SPAG9: variants seen among roughly 807,000 people sequenced by gnomAD.
SPAG9 encodes C-Jun-amino-terminal kinase-interacting protein 4.
Under a neutral mutation model 166.5 loss-of-function variants are expected in SPAG9, and 35 were observed. The observed-to-expected ratio is 0.21, with a 90% CI of 0.16 to 0.28. SPAG9 has a LOEUF of 0.28. SPAG9 is among the 10% of genes least tolerant of loss of function. The pLI, the probability that SPAG9 is intolerant of heterozygous loss-of-function variation, is 1.00. For synonymous variants in SPAG9, 534 were observed against 565.5 expected (o/e 0.94, Z 0.79); for missense variants, 1,235 against 1,603.3 (o/e 0.77, Z 3.92).
intron 1 of SPAG9, among the ~76,000 whole-genome samples, chr17:51,085,016 A>G (rs562419103): frequency 4.0e-5 from 6 of 151,694 alleles, no homozygotes; most frequent in African/African-American, 1.5e-4. Context: ...ATGCCTGGCT[A>G]ATTTTGGTAT....
At chr17:50,975,939 G>C (rs1370026965) in intron 27 of SPAG9, 1 of 1,479,298 alleles carries the variant, frequency 6.8e-7, no homozygotes, top group Non-Finnish European at 9.1e-7. Context: ...ATGGAGAGGT[G>C]CATGACAGGG....
At chr17:51,048,940 C>G (rs2047106090) in intron 3 of SPAG9, among the ~76,000 whole-genome samples, 1 of 152,116 alleles carries the variant, frequency 6.6e-6, no homozygotes, top group Admixed American at 6.5e-5. Context: ...TGGAGAAATA[C>G]ACCTTTCATC....
chr17:51,074,983 G>A (rs60420545), intron 2 of SPAG9, among the ~76,000 whole-genome samples: 1 of 151,668 alleles, frequency 6.6e-6, no homozygotes, highest in Non-Finnish European at 1.5e-5. Context: ...GATCAACTGA[G>A]GTCAGGAGTT....
chr17:51,028,658 G>A (rs539425134), intron 6 of SPAG9, among the ~76,000 whole-genome samples: 2 of 152,260 alleles, frequency 1.3e-5, no homozygotes, highest in African/African-American at 4.8e-5. Context: ...AATCACCTAA[G>A]TACACATTTC....
chr17:51,091,381 T>A (rs2048460548), intron 1 of SPAG9, among the ~76,000 whole-genome samples: 1 of 152,034 alleles, frequency 6.6e-6, no homozygotes, highest in Non-Finnish European at 1.5e-5. Context: ...TATAAGTTGG[T>A]CACCCTCTAC....
chr17:51,060,088 C>T (rs1386316989), intron 2 of SPAG9, among the ~76,000 whole-genome samples: 1 of 152,102 alleles, frequency 6.6e-6, no homozygotes, highest in Admixed American at 6.5e-5. Flanking sequence ...TGCTTCCCAT[C>T]CCCACAGAGA....
At chr17:51,039,024 A>AT (rs2046728448) in intron 5 of SPAG9, among the ~76,000 whole-genome samples, 1 of 152,184 alleles carries the variant, frequency 6.6e-6, no homozygotes, top group Non-Finnish European at 1.5e-5. Flanking sequence ...AAGAAGGCCC[A>AT]TAACTTTACA....
chr17:51,093,014 G>A (rs1439522135), intron 1 of SPAG9, among the ~76,000 whole-genome samples: 2 of 149,682 alleles, frequency 1.3e-5, no homozygotes, highest in East Asian at 2.0e-4. Context: ...TGGGTATATG[G>A]GAGTTCAAAT....
At chr17:50,990,876 G>T in intron 19 of SPAG9, 1 of 497,770 alleles carries the variant, frequency 2.0e-6, no homozygotes, top group Non-Finnish European at 3.6e-6. Context: ...TAACACAAGT[G>T]CAAATAAACA....
chr17:51,066,567 G>GAAAAAAAAAAAAAA (rs71149340), intron 2 of SPAG9, among the ~76,000 whole-genome samples: 21 of 110,834 alleles, frequency 1.9e-4, no homozygotes, highest in African/African-American at 2.8e-4. Context: ...AAAAAAAAAA[G>GAAAAAAAAAAAAAA]AAAAAAAAAA....
chr17:51,081,757 TA>T (rs1269072109), intron 1 of SPAG9, among the ~76,000 whole-genome samples: 6 of 151,260 alleles, frequency 4.0e-5, no homozygotes, highest in Non-Finnish European at 7.4e-5. Flanking sequence ...AAAAAAAAAG[TA>T]AAAACAATTT....
chr17:51,097,186 G>A (rs2048671105), intron 1 of SPAG9, among the ~76,000 whole-genome samples: 1 of 152,230 alleles, frequency 6.6e-6, no homozygotes, highest in Non-Finnish European at 1.5e-5. Context: ...CATGTACAGG[G>A]AGGGCATGGA....
Position 50,985,042 on chromosome 17 carries a change from G to GA in SPAG9, c.3021-53dup, listed in dbSNP as rs749198837. ...ACTCTCCATTCAGGAATACAGAAGG[G>GA]ACCACATGCTACTGAACTAGTTCAA... On this transcript the variant is annotated intron_variant, in intron 23 of 29. Transcript: ENST00000262013. 3.3e-6 allele frequency: 5 copies of GA among 1,520,564 alleles called. No individual in the cohort carries two copies. The East Asian group carries it at 1.1e-4, about 34-fold the overall frequency. 94.2% of individuals were successfully genotyped at this position (1,520,564 alleles called of 1,614,324 possible).
chr17:51,049,296 GT>G (rs2047115389), intron 3 of SPAG9, among the ~76,000 whole-genome samples: 1 of 151,216 alleles, frequency 6.6e-6, no homozygotes, highest in Non-Finnish European at 1.5e-5. Context: ...GGACCCAGAA[GT>G]TCAAGGCTGC....
intron 9 of SPAG9, among the ~76,000 whole-genome samples, chr17:51,012,205 T>C (rs2045513780): frequency 6.6e-6 from 1 of 152,128 alleles, no homozygotes; most frequent in Admixed American, 6.6e-5. Flanking sequence ...TAAAAGAAAC[T>C]TTTCAGGTAT....
chr17:50,966,727 G>A (rs994488322), intron 29 of SPAG9, among the ~76,000 whole-genome samples: 4 of 152,210 alleles, frequency 2.6e-5, no homozygotes, highest in Non-Finnish European at 5.9e-5. Flanking sequence ...CCAAAATGAA[G>A]AGTCTACTGT....
At chr17:51,030,897 C>T (rs1598039887) in intron 6 of SPAG9, 1 of 150,548 alleles carries the variant, frequency 6.6e-6, no homozygotes, top group East Asian at 1.9e-4. Flanking sequence ...GCATATCAAG[C>T]CTGACATGTA....
At chr17:51,104,634 C>G (rs2048891284) in intron 1 of SPAG9, among the ~76,000 whole-genome samples, 2 of 151,354 alleles carry the variant, frequency 1.3e-5, no homozygotes, top group African/African-American at 4.9e-5. Context: ...AAAACGCCAT[C>G]TCAAAAATAA....
intron 5 of SPAG9, among the ~76,000 whole-genome samples, chr17:51,035,140 T>G (rs553515156): frequency 6.6e-6 from 1 of 152,266 alleles, no homozygotes; most frequent in African/African-American, 2.4e-5. Context: ...TGAGGCCCTG[T>G]CTGTAATAAA....
Sources: gnomAD v4.1 joint callset for allele counts (sites outside exome capture counted in the v4.1 genomes callset) on GRCh38, gnomAD v4.1.1 for gene constraint, MANE v1.5 for transcripts, NCBI Gene and HGNC (gene_info 2026-07-23, HGNC 2026-07-21) for gene names.